Variants in LRRC53 observed in about 807,000 individuals in gnomAD.
The protein encoded by LRRC53 is leucine rich repeat containing 53, also known as leucine-rich repeat-containing protein 53.
LRRC53 carries 25 observed loss-of-function variants against 13.6 expected under a neutral mutation model. That is an observed-to-expected ratio of 1.83 (90% CI 1.34 to 2.56). LRRC53 has a LOEUF of 2.56. Ranked by LOEUF, LRRC53 falls within the 30% of genes most tolerant of loss-of-function variation. LRRC53 has a pLI of 0.00. For synonymous variants in LRRC53, 204 were observed against 109.8 expected (o/e 1.86, Z -5.37); for missense variants, 527 against 275.8 (o/e 1.91, Z -6.45).
At chr1:74,507,223 A>ACCCCC (rs36051033) in intron 1 of LRRC53, among the ~76,000 whole-genome samples, 1 of 120,328 alleles carries the variant, frequency 8.3e-6, no homozygotes, top group Non-Finnish European at 1.7e-5. Context: ...AAATTTCTTC[A>ACCCCC]CCCCCCCCCC....
intron 1 of LRRC53, among the ~76,000 whole-genome samples, chr1:74,509,747 C>CT (rs68193106): frequency 3.8e-4 from 18 of 47,810 alleles, no homozygotes; most frequent in Non-Finnish European, 4.6e-4. Flanking sequence ...ATCTGAATTT[C>CT]TTTTTTTTTT....
intron 1 of LRRC53, among the ~76,000 whole-genome samples, chr1:74,503,149 A>C (rs1669720930): frequency 6.6e-6 from 1 of 152,198 alleles, no homozygotes; most frequent in Admixed American, 6.5e-5. Flanking sequence ...CTTTTAGCTG[A>C]CATTTGTGGG....
rs772930860 is a variant in LRRC53 at position 74,471,113 on chromosome 1, T to C, written c.2509A>G (p.Thr837Ala). ...GGTGTAGGTTGGGGCAATTTTGATG[T>C]GTTTCCATCAGGAATGTGGCCAGCT... is the stretch of plus-strand genomic sequence containing the variant. ...YSAGHIPDGN[T>A]SKLPQPTPTD... is the part of the protein sequence containing the mutation. Residue 837 changes from threonine (T) to alanine (A), a missense_variant, in exon 5 of 5, where the codon ACA becomes GCA. Coordinates refer to ENST00000294635, the MANE Select transcript of LRRC53 (RefSeq NM_001382280.1). The C allele has an allele frequency of 2.5e-6, 1 of 400,658 alleles. No individual in the cohort carries two copies. The highest frequency in any genetic ancestry group is 4.4e-6 in the Non-Finnish European group (1 of 226,214). The allele number at this position is 400,658 out of a possible 1,614,324, so 24.8% of individuals were successfully genotyped here.
At chr1:74,516,967 A>T (rs1458222578), upstream of LRRC53, among the ~76,000 whole-genome samples, 1 of 152,230 alleles carries the variant, frequency 6.6e-6, no homozygotes, top group Non-Finnish European at 1.5e-5. Flanking sequence ...AGAAATATTT[A>T]CAGTCATGCT....
At chr1:74,482,184 ACT>A (rs2100262802) in intron 2 of LRRC53, among the ~76,000 whole-genome samples, 1 of 152,258 alleles carries the variant, frequency 6.6e-6, no homozygotes, top group African/African-American at 2.4e-5. Context: ...GGATTTACTG[ACT>A]CTGAATGAGC....
At chr1:74,492,343 A>G (rs936729030) in intron 1 of LRRC53, 27 of 1,383,440 alleles carry the variant, frequency 2.0e-5, no homozygotes, top group Admixed American at 2.3e-5. Context: ...TGATTTGATT[A>G]CTATTAACAG....
At chr1:74,518,197 G>A in the LRRC53 span, among the ~76,000 whole-genome samples, 1 of 152,132 alleles carries the variant, frequency 6.6e-6, no homozygotes, top group Non-Finnish European at 1.5e-5. Flanking sequence ...GAGAGGGTTT[G>A]CTGATCAATG....
upstream of LRRC53, among the ~76,000 whole-genome samples, chr1:74,515,466 A>G (rs890316033): frequency 6.6e-6 from 1 of 152,208 alleles, no homozygotes; most frequent in Admixed American, 6.5e-5. Flanking sequence ...ATGCCAATAC[A>G]TATAGAAATG....
chr1:74,518,011 C>A, the LRRC53 span, among the ~76,000 whole-genome samples: 4 of 152,116 alleles, frequency 2.6e-5, no homozygotes, highest in Non-Finnish European at 2.9e-5. Flanking sequence ...GGAAGTCATT[C>A]AAAGTTTTTG....
At chr1:74,484,833 G>C (rs2100273859) in intron 1 of LRRC53, among the ~76,000 whole-genome samples, 1 of 152,204 alleles carries the variant, frequency 6.6e-6, no homozygotes, top group African/African-American at 2.4e-5. Flanking sequence ...GGCATTACTT[G>C]GTCTGATGTC....
chr1:74,511,404 G>A (rs1261028619), intron 1 of LRRC53, among the ~76,000 whole-genome samples: 2 of 152,022 alleles, frequency 1.3e-5, no homozygotes, highest in Non-Finnish European at 2.9e-5. Flanking sequence ...TGTTGGCCTC[G>A]AACTCCTGGT....
At chr1:74,508,901 G>A (rs1452904063) in intron 1 of LRRC53, among the ~76,000 whole-genome samples, 1 of 152,144 alleles carries the variant, frequency 6.6e-6, no homozygotes, top group Middle Eastern at 3.2e-3. Context: ...TTTTTACAGG[G>A]TCTGCAGAAA....
chr1:74,484,101 A>G (rs1450674153), intron 1 of LRRC53, among the ~76,000 whole-genome samples: 1 of 152,034 alleles, frequency 6.6e-6, no homozygotes, highest in Non-Finnish European at 1.5e-5. Flanking sequence ...AGTAAATGTT[A>G]AACTTTACCT....
At chr1:74,528,323 T>C in the LRRC53 span, among the ~76,000 whole-genome samples, 77 of 152,160 alleles carry the variant, frequency 5.1e-4, no homozygotes, top group African/African-American at 1.7e-3. Flanking sequence ...AGGGACATAG[T>C]ACAGTGCTGA....
At chr1:74,491,745 T>C (rs963154108) in intron 1 of LRRC53, among the ~76,000 whole-genome samples, 6 of 152,244 alleles carry the variant, frequency 3.9e-5, no homozygotes, top group Non-Finnish European at 8.8e-5. Flanking sequence ...TTAAAGGAAC[T>C]CTGCCATAAA....
intron 3 of LRRC53, 141 bp from the exon 4 acceptor site, chr1:74,475,951 A>T: frequency 2.2e-6 from 1 of 449,520 alleles, no homozygotes; most frequent in Non-Finnish European, 3.9e-6. Flanking sequence ...ATTTGGAAAA[A>T]TATCAGTCCA....
At chr1:74,524,294 A>T in the LRRC53 span, among the ~76,000 whole-genome samples, 1 of 152,236 alleles carries the variant, frequency 6.6e-6, no homozygotes, top group Admixed American at 6.5e-5. Flanking sequence ...TTATGGTAAC[A>T]TGCAAAGTGA....
At chr1:74,529,332 G>T in the LRRC53 span, among the ~76,000 whole-genome samples, 2 of 152,082 alleles carry the variant, frequency 1.3e-5, no homozygotes, top group South Asian at 4.1e-4. Context: ...CTCCAAAGAT[G>T]CATAATTTGA....
At chr1:74,487,457 C>T (rs1668824245) in intron 1 of LRRC53, among the ~76,000 whole-genome samples, 2 of 152,010 alleles carry the variant, frequency 1.3e-5, no homozygotes, top group South Asian at 4.2e-4. Context: ...TACTGACGGT[C>T]CATGGGAGAT....
Sources: gnomAD v4.1 joint callset for allele counts (sites outside exome capture counted in the v4.1 genomes callset) on GRCh38, gnomAD v4.1.1 for gene constraint, MANE v1.5 for transcripts, NCBI Gene and HGNC (gene_info 2026-07-23, HGNC 2026-07-21) for gene names.